ITGA9: variants seen among roughly 807,000 people sequenced by gnomAD.
ITGA9 encodes the protein integrin alpha-9.
A neutral mutation model predicts 127.8 loss-of-function variants in ITGA9; 56 were observed. The observed-to-expected ratio is 0.44, with a 90% confidence interval of 0.35 to 0.55. The LOEUF (loss-of-function observed/expected upper bound fraction) is 0.55, where lower values mean the gene tolerates loss of function less well. Among genes scored for constraint, ITGA9 ranks in the 20% least tolerant of loss-of-function variants. The pLI is 0.00. For synonymous variants in ITGA9, 508 were observed against 514.5 expected (o/e 0.99, Z 0.17); for missense variants, 1,196 against 1,347.1 (o/e 0.89, Z 1.76).
intron 17 of ITGA9, among the ~76,000 whole-genome samples, chr3:37,664,458 C>G (rs906142903): frequency 2.3e-5 from 3 of 130,074 alleles, no homozygotes; most frequent in Non-Finnish European, 3.1e-5. Flanking sequence ...GAGTTTCGCT[C>G]TTGTTGCCCA....
intron 15 of ITGA9, among the ~76,000 whole-genome samples, chr3:37,625,172 C>T (rs540168292): frequency 6.6e-6 from 1 of 152,158 alleles, no homozygotes; most frequent in Non-Finnish European, 1.5e-5. Flanking sequence ...TTTGACTGTG[C>T]CCAGGGGCAT....
chr3:37,757,026 CAG>C (rs1236116581), intron 23 of ITGA9, among the ~76,000 whole-genome samples: 1 of 149,720 alleles, frequency 6.7e-6, no homozygotes, highest in Non-Finnish European at 1.5e-5. Context: ...AAAACCAACA[CAG>C]AGGAAAATGC....
chr3:37,486,587 G>T (rs771307919), intron 4 of ITGA9, among the ~76,000 whole-genome samples: 16 of 152,144 alleles, frequency 1.1e-4, no homozygotes, highest in Non-Finnish European at 2.2e-4. Context: ...TTCTCAGAAG[G>T]TGTCTAACAT....
chr3:37,767,527 C>G (rs1214063953), intron 23 of ITGA9, among the ~76,000 whole-genome samples: 1 of 152,208 alleles, frequency 6.6e-6, no homozygotes, highest in Non-Finnish European at 1.5e-5. Flanking sequence ...CCTGCTCTAT[C>G]CCCAGCTCTG....
At chr3:37,804,050 C>T (rs1697266208) in intron 27 of ITGA9, 108 bp downstream of exon 27, 1 of 1,525,882 alleles carries the variant, frequency 6.6e-7, no homozygotes. Flanking sequence ...CTTCATGGCA[C>T]CGGTACAGTG....
rs200348138 is a variant in ITGA9 at position 37,710,406 on chromosome 3, C to CA, written c.2068-22306_2068-22305insA. The stretch of plus-strand genomic sequence containing the variant: ...TGTTGTCAAGAAATAAATATCCCCC[C>CA]CCCACACACATAAATAGAGAACAAT... On this transcript the variant is annotated intron_variant, in intron 18 of 27. Transcript: ENST00000264741. Among the ~76,000 whole-genome samples, 777 of 120,754 alleles carry CA rather than the reference C, an allele frequency of 6.4e-3. 9 individuals are homozygous for CA. The highest frequency in any genetic ancestry group is 0.051 in the South Asian group (164 of 3,206). The allele number at this position is 120,754 out of a possible 152,430, so 79.2% of individuals were successfully genotyped here. A position where few individuals can be genotyped will look rare whatever the true frequency, so the allele number is the denominator to read the frequency against.
chr3:37,794,548 G>A (rs1287380278), intron 26 of ITGA9, among the ~76,000 whole-genome samples: 4 of 152,212 alleles, frequency 2.6e-5, no homozygotes, highest in Non-Finnish European at 5.9e-5. Context: ...GCAGTCAAGG[G>A]GAGAATGAAG....
chr3:37,454,963 T>C (rs1037982893), intron 1 of ITGA9, among the ~76,000 whole-genome samples: 56 of 152,196 alleles, frequency 3.7e-4, no homozygotes, highest in African/African-American at 1.2e-3. Context: ...GCTAGACTTA[T>C]TGTGCAAGGC....
intron 1 of ITGA9, among the ~76,000 whole-genome samples, chr3:37,464,116 AGTGT>A (rs10603611): frequency 0.16 from 23,662 of 144,084 alleles, 1,954 homozygotes; most frequent in African/African-American, 0.23. Context: ...AGAAGGTGTG[AGTGT>A]GTGTGTGTGT....
chr3:37,611,031 GC>G (rs1700011133), intron 15 of ITGA9, among the ~76,000 whole-genome samples: 1 of 151,558 alleles, frequency 6.6e-6, no homozygotes, highest in Non-Finnish European at 1.5e-5. Flanking sequence ...TAAGGGTAGA[GC>G]AAAAAAAAAG....
chr3:37,522,979 C>T (rs1422647595), intron 11 of ITGA9, among the ~76,000 whole-genome samples: 1 of 152,184 alleles, frequency 6.6e-6, no homozygotes, highest in African/African-American at 2.4e-5. Flanking sequence ...ATCTATAGAT[C>T]ATCTGGTTGG....
chr3:37,796,054 C>A (rs377382617), intron 26 of ITGA9, among the ~76,000 whole-genome samples: 1 of 152,128 alleles, frequency 6.6e-6, no homozygotes, highest in African/African-American at 2.4e-5. Context: ...AACATCTTCC[C>A]GCTGCTTCTT....
chr3:37,695,882 GT>G (rs1278527734), intron 18 of ITGA9, among the ~76,000 whole-genome samples: 3 of 152,352 alleles, frequency 2.0e-5, no homozygotes, highest in African/African-American at 7.2e-5. Flanking sequence ...GTATGCACCT[GT>G]GTGGTACCCA....
At chr3:37,460,811 G>A (rs987743117) in intron 1 of ITGA9, among the ~76,000 whole-genome samples, 2 of 151,970 alleles carry the variant, frequency 1.3e-5, no homozygotes, top group Non-Finnish European at 2.9e-5. Context: ...GAATAGTCTC[G>A]ATCTCCTGAC....
chr3:37,656,490 G>A (rs1371265716), intron 17 of ITGA9, among the ~76,000 whole-genome samples: 1 of 152,098 alleles, frequency 6.6e-6, no homozygotes, highest in African/African-American at 2.4e-5. Flanking sequence ...TTGGCTCTCT[G>A]TTTGTCTGTT....
chr3:37,648,357 C>T (rs1700399048), intron 16 of ITGA9, among the ~76,000 whole-genome samples: 1 of 152,166 alleles, frequency 6.6e-6, no homozygotes, highest in African/African-American at 2.4e-5. Context: ...GAAACAGTGC[C>T]TCATACCTGT....
intron 9 of ITGA9, among the ~76,000 whole-genome samples, chr3:37,514,200 A>G (rs1698962050): frequency 6.6e-6 from 1 of 152,172 alleles, no homozygotes; most frequent in South Asian, 2.1e-4. Context: ...CAATATACAC[A>G]TGGTATCAAG....
chr3:37,481,418 C>T, intron 3 of ITGA9, 66 bp from the exon 4 acceptor site: 1 of 1,601,462 alleles, frequency 6.2e-7, no homozygotes, highest in African/African-American at 1.3e-5. Context: ...CTGGCACTGA[C>T]AGGAGTCTGC....
In ITGA9 at chr3:37,612,974, TA is replaced by T. The variant is rs747744968; in HGVS notation, c.1690-16211del. Reference sequence around the variant, plus strand: ...TTGTGCTGTTCTTTTTTTTTTTTTTTAATTATACTTTAAGTTTTAGGGTACA... The same window carrying T: ...TTGTGCTGTTCTTTTTTTTTTTTTTTATTATACTTTAAGTTTTAGGGTACA... On this transcript the variant is annotated intron_variant, in intron 15 of 27. Coordinates refer to ENST00000264741, the MANE Select transcript of ITGA9 (RefSeq NM_002207.3). 6.2e-3 allele frequency among the ~76,000 whole-genome samples: 931 copies of T among 150,000 alleles called. 5 individuals carry two copies. Among genetic ancestry groups the T allele is most frequent in the Non-Finnish European group, 0.01 (676 of 67,334 alleles).
Sources: gnomAD v4.1 joint callset for allele counts (sites outside exome capture counted in the v4.1 genomes callset) on GRCh38, gnomAD v4.1.1 for gene constraint, MANE v1.5 for transcripts, NCBI Gene and HGNC (gene_info 2026-07-23, HGNC 2026-07-21) for gene names.